Variants in DNAH14 observed in about 807,000 individuals in gnomAD.
DNAH14 encodes axonemal beta dynein heavy chain 14.
In DNAH14, 478 loss-of-function variants were observed where a neutral mutation model predicts 520.9. The observed-to-expected ratio is 0.92, with a 90% CI of 0.85 to 0.99. The LOEUF (loss-of-function observed/expected upper bound fraction) is 0.99, where lower values mean the gene tolerates loss of function less well. Ranked by LOEUF, DNAH14 falls within the 50% of genes least tolerant of loss-of-function variation. The pLI is 0.00. For missense variants in DNAH14, 4,831 were observed against 5,234.5 expected, an observed-to-expected ratio of 0.92 and a Z score of 2.38; for synonymous variants, 1,581 against 1,757.2, an observed-to-expected ratio of 0.90 and a Z score of 2.51.
intron 27 of DNAH14, among the ~76,000 whole-genome samples, chr1:225,130,300 C>T (rs1181849343): frequency 6.6e-6 from 1 of 151,948 alleles, no homozygotes; most frequent in African/African-American, 2.4e-5. Context: ...ACCATTTGAC[C>T]CAGCCATCCC....
At chr1:225,279,362 A>G (rs1003134881) in intron 54 of DNAH14, among the ~76,000 whole-genome samples, 1 of 152,200 alleles carries the variant, frequency 6.6e-6, no homozygotes, top group East Asian at 1.9e-4. Flanking sequence ...TTCATGGGTC[A>G]AGGTGACACT....
chr1:225,316,548 C>T (rs2094470446), intron 60 of DNAH14, among the ~76,000 whole-genome samples: 1 of 152,168 alleles, frequency 6.6e-6, no homozygotes, highest in African/African-American at 2.4e-5. Flanking sequence ...AGTATCTGGG[C>T]CAGAATGCAC....
intron 12 of DNAH14, 34 bp from the exon 13 acceptor site, chr1:225,042,801 G>T: frequency 6.6e-7 from 1 of 1,522,026 alleles, no homozygotes; most frequent in Admixed American, 2.2e-5. Context: ...GTTATATGTT[G>T]TCACTGGCAC....
At chr1:225,023,375 T>A (rs913154680) in intron 10 of DNAH14, among the ~76,000 whole-genome samples, 1 of 151,804 alleles carries the variant, frequency 6.6e-6, no homozygotes, top group Non-Finnish European at 1.5e-5. Flanking sequence ...TTTTTTTTTT[T>A]TCCTCTGTCC....
chr1:225,023,568 A>T, intron 10 of DNAH14, 47 bp from the exon 11 acceptor site: 1 of 1,433,902 alleles, frequency 7.0e-7, no homozygotes, highest in Non-Finnish European at 9.3e-7. Flanking sequence ...ATGCTATATT[A>T]ACAAAGAAAA....
rs760734685 is a variant in DNAH14, at chr1:225,328,769, G to A, written c.9724-2668G>A. On this transcript the variant is annotated intron_variant, in intron 64 of 85. Transcript: ENST00000682510. ...TTAAGTTAATCAATAGGCCCCATGC[G>A]TTAATATGTAAGTAACTCACTAGGT... Among the ~76,000 whole-genome samples, 6 of 152,056 alleles carry A rather than the reference G, an allele frequency of 3.9e-5. No individual in the cohort carries two copies. In the South Asian group the frequency reaches 6.2e-4, roughly 16 times the overall value.
chr1:224,980,769 A>T (rs978264722), intron 8 of DNAH14, among the ~76,000 whole-genome samples: 1 of 152,050 alleles, frequency 6.6e-6, no homozygotes, highest in African/African-American at 2.4e-5. Context: ...CCTTGAGTGA[A>T]CATACATCCG....
At position 225,057,255 on chromosome 1, in the gene DNAH14, G is replaced by A. The variant is rs1461516483; in HGVS notation, c.2424+5460G>A. 8.5e-5 allele frequency among the ~76,000 whole-genome samples: 13 copies of A among 152,290 alleles called. No individual in the cohort carries two copies. In the Middle Eastern group the frequency reaches 0.01, roughly 120 times the overall value. ...CTTGAAGAGGTCCTTCACATCCCTTGTAAGTTGGATTCCTAGGTATTTTAT... is the reference window on the plus strand; with the variant it reads ...CTTGAAGAGGTCCTTCACATCCCTTATAAGTTGGATTCCTAGGTATTTTAT... On this transcript the variant is annotated intron_variant, in intron 17 of 85. Coordinates refer to ENST00000682510, the MANE Select transcript of DNAH14 (RefSeq NM_001367479.1).
intron 1 of DNAH14, among the ~76,000 whole-genome samples, chr1:224,930,890 G>A (rs992781100): frequency 1.3e-5 from 2 of 152,288 alleles, no homozygotes; most frequent in South Asian, 2.1e-4. Context: ...GAGCCACGGC[G>A]CCCGGCCTCT....
chr1:225,325,818 G>A (rs1366197243), intron 64 of DNAH14, among the ~76,000 whole-genome samples: 7 of 150,594 alleles, frequency 4.6e-5, no homozygotes, highest in African/African-American at 7.3e-5. Flanking sequence ...CTGATTTTCT[G>A]TCTTTTCCTG....
intron 60 of DNAH14, among the ~76,000 whole-genome samples, chr1:225,312,589 A>C (rs1284841742): frequency 1.3e-5 from 2 of 152,176 alleles, no homozygotes; most frequent in Non-Finnish European, 2.9e-5. Context: ...GTTTGTCATA[A>C]ATAGCTCTTA....
intron 35 of DNAH14, among the ~76,000 whole-genome samples, chr1:225,161,846 T>C (rs2149157676): frequency 6.6e-6 from 1 of 152,334 alleles, no homozygotes; most frequent in South Asian, 2.1e-4. Flanking sequence ...CCACTTTTTA[T>C]TGGATTATTA....
intron 8 of DNAH14, among the ~76,000 whole-genome samples, chr1:225,000,483 G>C (rs1223011162): frequency 6.7e-6 from 1 of 148,354 alleles, no homozygotes; most frequent in Non-Finnish European, 1.5e-5. Flanking sequence ...TTTTAGCCCT[G>C]TCTTCTTTAA....
chr1:225,165,472 C>A lies in DNAH14; in HGVS notation c.5446-2467C>A, dbSNP rs532950236. 6.6e-5 allele frequency among the ~76,000 whole-genome samples: 10 copies of A among 152,014 alleles called. No homozygotes were observed. The South Asian group carries it at 8.3e-4, about 13-fold the overall frequency. On this transcript the variant is annotated intron_variant, in intron 35 of 85. Transcript: ENST00000682510. ...TGGACTTTTCTGTTTCAAGAGTTTG[C>A]AGCATCCAAGCTCCAATAAAACTAA...
At chr1:225,287,587 T>A (rs2093775923) in intron 54 of DNAH14, among the ~76,000 whole-genome samples, 1 of 152,188 alleles carries the variant, frequency 6.6e-6, no homozygotes, top group African/African-American at 2.4e-5. Flanking sequence ...TGTGTGTCTA[T>A]AAGGGTTAGT....
At chr1:225,291,903 A>AT (rs367917262) in intron 55 of DNAH14, among the ~76,000 whole-genome samples, 1 of 151,900 alleles carries the variant, frequency 6.6e-6, no homozygotes, top group South Asian at 2.1e-4. Flanking sequence ...TCATTTGCCC[A>AT]TTTTTTAATC....
intron 10 of DNAH14, among the ~76,000 whole-genome samples, chr1:225,014,194 T>C (rs545993099): frequency 6.6e-6 from 1 of 152,300 alleles, no homozygotes; most frequent in Non-Finnish European, 1.5e-5. Context: ...CATGGCTTCC[T>C]TTGGCTAGCG....
chr1:225,382,222 A>C (rs931526859), intron 81 of DNAH14, among the ~76,000 whole-genome samples: 1 of 152,198 alleles, frequency 6.6e-6, no homozygotes, highest in African/African-American at 2.4e-5. Context: ...CTTCACACCT[A>C]CTAAGATGGA....
intron 17 of DNAH14, among the ~76,000 whole-genome samples, chr1:225,064,796 A>G (rs575289943): frequency 6.6e-6 from 1 of 152,138 alleles, no homozygotes; most frequent in Admixed American, 6.5e-5. Context: ...GTCACAAGGC[A>G]TCTTTCTAGG....
Sources: gnomAD v4.1 joint callset for allele counts (sites outside exome capture counted in the v4.1 genomes callset) on GRCh38, gnomAD v4.1.1 for gene constraint, MANE v1.5 for transcripts, NCBI Gene and HGNC (gene_info 2026-07-23, HGNC 2026-07-21) for gene names.